Variants in JAM3 observed in about 807,000 individuals in gnomAD.
JAM3 encodes the protein junctional adhesion molecule 3.
JAM3 carries 31 observed loss-of-function variants against 39.4 expected under a neutral mutation model. The observed-to-expected ratio is 0.79, with a 90% CI of 0.59 to 1.06. The LOEUF (loss-of-function observed/expected upper bound fraction) is 1.06, where lower values mean the gene tolerates loss of function less well. JAM3 is among the 50% of genes least tolerant of loss of function. The probability of loss-of-function intolerance (pLI) is 0.00; values close to 1 mark genes in which losing one functional copy is unlikely to be tolerated. For missense variants in JAM3, 455 were observed against 391.4 expected, an observed-to-expected ratio of 1.16 and a Z score of -1.37; for synonymous variants, 182 against 148.7, an observed-to-expected ratio of 1.22 and a Z score of -1.63.
chr11:134,128,861 C>A (rs1162472107), intron 1 of JAM3, among the ~76,000 whole-genome samples: 2 of 152,094 alleles, frequency 1.3e-5, no homozygotes, highest in African/African-American at 4.8e-5. Context: ...TTTTTTGTAT[C>A]TTTCTCTTGC....
chr11:134,147,627 C>T (rs1257757848), intron 6 of JAM3, among the ~76,000 whole-genome samples: 2 of 151,818 alleles, frequency 1.3e-5, no homozygotes, highest in African/African-American at 4.8e-5. Flanking sequence ...GCTGGGACTA[C>T]AGGCACCTGC....
At chr11:134,128,191 C>T (rs1005875692) in intron 1 of JAM3, among the ~76,000 whole-genome samples, 9 of 152,152 alleles carry the variant, frequency 5.9e-5, no homozygotes, top group Non-Finnish European at 8.8e-5. Flanking sequence ...GAGGTCCAGT[C>T]GTCTCCTTAA....
intron 1 of JAM3, among the ~76,000 whole-genome samples, chr11:134,083,615 T>C (rs1309917453): frequency 6.6e-6 from 1 of 152,140 alleles, no homozygotes; most frequent in Non-Finnish European, 1.5e-5. Flanking sequence ...GTTAAAACTT[T>C]GGTTGTCATT....
At chr11:134,149,098 C>T (rs755147524) in intron 8 of JAM3, 48 bp from the exon 9 acceptor site, 8 of 1,611,640 alleles carry the variant, frequency 5.0e-6, no homozygotes, top group Non-Finnish European at 6.8e-6. Flanking sequence ...TTTTTCCCTG[C>T]TTGCCACCAG....
rs146897651 is a variant in JAM3 at position 134,101,069 on chromosome 11, C to T, written c.76+31910C>T. 5.9e-4 allele frequency among the ~76,000 whole-genome samples: 90 copies of T among 152,212 alleles called. 1 individual carries two copies. Among genetic ancestry groups the T allele is most frequent in the Non-Finnish European group, 1.0e-3 (70 of 68,020 alleles). ...CTCCTTGTAACTCAGGAAGATATTG[C>T]CCCATTCTAAACAGCCAGCATGGGG... On this transcript the variant is annotated intron_variant, in intron 1 of 8. Coordinates refer to ENST00000299106, the MANE Select transcript of JAM3 (RefSeq NM_032801.5).
intron 1 of JAM3, among the ~76,000 whole-genome samples, chr11:134,108,193 C>T (rs1329424594): frequency 6.6e-6 from 1 of 151,842 alleles, no homozygotes; most frequent in African/African-American, 2.4e-5. Flanking sequence ...CAACTTGGAT[C>T]AAATAAATTT....
At chr11:134,124,312 G>T in intron 1 of JAM3, 2 of 809,076 alleles carry the variant, frequency 2.5e-6, no homozygotes, top group Admixed American at 3.5e-5. Context: ...ATCTCCACAG[G>T]GGCTGGACGG....
intron 1 of JAM3, among the ~76,000 whole-genome samples, chr11:134,078,099 A>C (rs1317320451): frequency 3.3e-5 from 5 of 152,000 alleles, no homozygotes; most frequent in Non-Finnish European, 7.4e-5. Flanking sequence ...CCAAGGGCTC[A>C]GTGTCCCCAC....
At chr11:134,069,353 G>C (rs1941449262) in intron 1 of JAM3, among the ~76,000 whole-genome samples, 194 bp downstream of exon 1, 1 of 152,224 alleles carries the variant, frequency 6.6e-6, no homozygotes, top group East Asian at 1.9e-4. Context: ...TGGCTAGGGC[G>C]GGGGCCCTGG....
chr11:134,105,315 A>G (rs1942162785), intron 1 of JAM3, among the ~76,000 whole-genome samples: 1 of 152,202 alleles, frequency 6.6e-6, no homozygotes, highest in African/African-American at 2.4e-5. Context: ...CCTTCATGCT[A>G]AAAACTCTCA....
intron 1 of JAM3, among the ~76,000 whole-genome samples, chr11:134,120,397 C>T (rs985035864): frequency 1.3e-5 from 2 of 152,196 alleles, no homozygotes; most frequent in African/African-American, 2.4e-5. Flanking sequence ...TAAACTAGTT[C>T]TTAGTGAGCA....
At chr11:134,091,478 G>C (rs541241732) in intron 1 of JAM3, among the ~76,000 whole-genome samples, 1 of 151,876 alleles carries the variant, frequency 6.6e-6, no homozygotes, top group Non-Finnish European at 1.5e-5. Flanking sequence ...CAACCTGGGT[G>C]ACAGAGCAAG....
At chr11:134,129,566 A>G (rs892032380) in intron 1 of JAM3, among the ~76,000 whole-genome samples, 1 of 152,226 alleles carries the variant, frequency 6.6e-6, no homozygotes, top group African/African-American at 2.4e-5. Flanking sequence ...TGGTCCCTAG[A>G]TAGCAAGTAG....
At position 134,104,239 on chromosome 11, in the gene JAM3, A is replaced by T. The variant is rs144079249; in HGVS notation, c.76+35080A>T. The stretch of plus-strand genomic sequence containing the variant: ...CACTTGACTACATGGAAACTGAACA[A>T]CCTGCTCCTGAATGACTACTGGGTA... On this transcript the variant is annotated intron_variant, in intron 1 of 8. Transcript: ENST00000299106. Among the ~76,000 whole-genome samples the T allele has an allele frequency of 9.4e-3, 1,433 of 152,296 alleles. 12 individuals carry two copies. Among genetic ancestry groups the T allele is most frequent in the Non-Finnish European group, 0.013 (853 of 68,026 alleles).
At chr11:134,115,078 C>G (rs1158245088) in intron 1 of JAM3, among the ~76,000 whole-genome samples, 1 of 152,108 alleles carries the variant, frequency 6.6e-6, no homozygotes, top group African/African-American at 2.4e-5. Context: ...GAATTGACCT[C>G]TTTATCGATT....
chr11:134,104,362 G>T lies in JAM3; in HGVS notation c.76+35203G>T, dbSNP rs1942140026. On this transcript the variant is annotated intron_variant, in intron 1 of 8. Transcript: ENST00000299106. ...CTCTGGGACACATTTAAAGTAGTGTGTAGAGGGAAATTTATAGCACTAAAT... is the reference window on the plus strand; with the variant it reads ...CTCTGGGACACATTTAAAGTAGTGTTTAGAGGGAAATTTATAGCACTAAAT... Among the ~76,000 whole-genome samples, 3 of 152,196 alleles carry T rather than the reference G, an allele frequency of 2.0e-5. No individual in the cohort carries two copies. The South Asian group carries it at 6.2e-4, about 31-fold the overall frequency.
chr11:134,116,498 A>G (rs1591792042), intron 1 of JAM3, among the ~76,000 whole-genome samples: 1 of 152,184 alleles, frequency 6.6e-6, no homozygotes, highest in South Asian at 2.1e-4. Context: ...TTTTCTTAAA[A>G]TCTTCCAGCT....
chr11:134,123,445 G>A (rs758301408), intron 1 of JAM3, among the ~76,000 whole-genome samples: 1 of 152,090 alleles, frequency 6.6e-6, no homozygotes, highest in Admixed American at 6.5e-5. Flanking sequence ...GCATAATGAA[G>A]AGTGTGCTCC....
At chr11:134,075,175 T>C (rs1591766710) in intron 1 of JAM3, among the ~76,000 whole-genome samples, 1 of 152,262 alleles carries the variant, frequency 6.6e-6, no homozygotes, top group Admixed American at 6.5e-5. Context: ...AGGGAACATA[T>C]AGTTTAGTCA....
Sources: gnomAD v4.1 joint callset for allele counts (sites outside exome capture counted in the v4.1 genomes callset) on GRCh38, gnomAD v4.1.1 for gene constraint, MANE v1.5 for transcripts, NCBI Gene and HGNC (gene_info 2026-07-23, HGNC 2026-07-21) for gene names.